Variants in DIP2B observed in about 807,000 individuals in gnomAD.
DIP2B encodes DIP2 acetate--CoA ligase B (putative), also known as disco-interacting protein 2 homolog B.
Under a neutral mutation model 198.0 loss-of-function variants are expected in DIP2B, and 76 were observed. That is an observed-to-expected ratio of 0.38 (90% CI 0.32 to 0.46). The LOEUF (loss-of-function observed/expected upper bound fraction) is 0.46. Among genes scored for constraint, DIP2B ranks in the 20% least tolerant of loss-of-function variants. DIP2B has a pLI of 0.99. For missense variants in DIP2B, 1,559 were observed against 1,978.4 expected (o/e 0.79, Z 4.02); for synonymous variants, 701 against 739.1 (o/e 0.95, Z 0.84).
At position 50,687,418 on chromosome 12, in the gene DIP2B, T is replaced by C. The variant is rs200366976; in HGVS notation, c.1551+736T>C. ...CACTCTGCATCCTGCCTGAGACATA[T>C]GCTCACCAATTGTTAAGTTAATGAA... On this transcript the variant is annotated intron_variant, in intron 12 of 37. Transcript: ENST00000301180. Among the ~76,000 whole-genome samples the C allele has an allele frequency of 1.6e-4, 25 of 152,312 alleles. No homozygotes were observed. In the East Asian group the frequency reaches 4.8e-3, roughly 29 times the overall value.
chr12:50,658,801 G>C (rs919860708), intron 3 of DIP2B, among the ~76,000 whole-genome samples: 1 of 152,128 alleles, frequency 6.6e-6, no homozygotes, highest in Non-Finnish European at 1.5e-5. Flanking sequence ...GCAAGAAACA[G>C]AAGCTGGCCG....
chr12:50,733,995 C>G, intron 32 of DIP2B, 140 bp from the exon 33 acceptor site: 1 of 805,686 alleles, frequency 1.2e-6, no homozygotes, highest in South Asian at 1.4e-5. Flanking sequence ...AGAGTGAGAG[C>G]AGGGGGCCTA....
intron 23 of DIP2B, among the ~76,000 whole-genome samples, chr12:50,715,140 A>T (rs1939691514): frequency 6.6e-6 from 1 of 152,234 alleles, no homozygotes; most frequent in East Asian, 1.9e-4. Context: ...AGAGCTAGGT[A>T]GTCCAAAGGC....
intron 7 of DIP2B, among the ~76,000 whole-genome samples, chr12:50,678,140 A>C (rs1343448932): frequency 6.6e-6 from 1 of 150,772 alleles, no homozygotes; most frequent in Non-Finnish European, 1.5e-5. Context: ...GTTTATGCCC[A>C]TTGTCTGTTT....
At chr12:50,516,844 G>A (rs1017877805) in intron 1 of DIP2B, among the ~76,000 whole-genome samples, 5 of 151,852 alleles carry the variant, frequency 3.3e-5, no homozygotes, top group African/African-American at 7.3e-5. Context: ...GTGTGGTGGC[G>A]GGTGCCTGTA....
chr12:50,525,431 A>G (rs1958154717), intron 1 of DIP2B, among the ~76,000 whole-genome samples: 2 of 151,518 alleles, frequency 1.3e-5, no homozygotes, highest in Non-Finnish European at 1.5e-5. Flanking sequence ...GGTGGTCATC[A>G]TGAGATGATA....
At chr12:50,704,272 CT>C in intron 20 of DIP2B, 52 bp downstream of exon 20, 1 of 1,564,328 alleles carries the variant, frequency 6.4e-7, no homozygotes. Flanking sequence ...AATATTTGGA[CT>C]TTAATTCACA....
chr12:50,733,451 G>A (rs1277470848), intron 32 of DIP2B, among the ~76,000 whole-genome samples: 3 of 152,020 alleles, frequency 2.0e-5, no homozygotes, highest in Non-Finnish European at 2.9e-5. Context: ...ACTTTGTGAG[G>A]CCAAGGCAGG....
At chr12:50,543,047 C>A (rs1183373241) in intron 1 of DIP2B, among the ~76,000 whole-genome samples, 1 of 151,132 alleles carries the variant, frequency 6.6e-6, no homozygotes, top group Admixed American at 6.6e-5. Flanking sequence ...TTTTTTTGGT[C>A]TTTTTTTGTA....
rs1555179950 is a variant in DIP2B, at chr12:50,505,019, CGGCGGT to C, written c.-120_-115del. The C allele has an allele frequency of 2.0e-6, 2 of 1,004,882 alleles. No homozygotes were observed. Among genetic ancestry groups the C allele is most frequent in the Admixed American group, 2.4e-5 (1 of 40,912 alleles). The allele number at this position is 1,004,882 out of a possible 1,614,324, so 62.2% of individuals were successfully genotyped here. ...TTGCTCATGGCGGCGGCGGCGGCGG[CGGCGGT>C]GCTGGTGGTGCTCGGCGGCCGGAGC... On this transcript the variant is annotated 5_prime_UTR_variant, in exon 1 of 38. Coordinates refer to ENST00000301180, the MANE Select transcript of DIP2B (RefSeq NM_173602.3).
intron 1 of DIP2B, among the ~76,000 whole-genome samples, chr12:50,615,713 C>G (rs1387807638): frequency 6.6e-6 from 1 of 152,150 alleles, no homozygotes; most frequent in Non-Finnish European, 1.5e-5. Flanking sequence ...CATTTATTCT[C>G]TCATTGAAGA....
intron 2 of DIP2B, among the ~76,000 whole-genome samples, chr12:50,632,121 A>G (rs1407101915): frequency 6.6e-6 from 1 of 151,886 alleles, no homozygotes; most frequent in East Asian, 1.9e-4. Context: ...GTGGGCTACC[A>G]CACCCTGCCT....
At chr12:50,643,451 G>GT (rs1491330884) in intron 3 of DIP2B, among the ~76,000 whole-genome samples, 2 of 142,396 alleles carry the variant, frequency 1.4e-5, no homozygotes, top group Non-Finnish European at 3.0e-5. Flanking sequence ...GTGTGTGTGT[G>GT]TTTTAAAGGA....
chr12:50,680,626 G>A, intron 8 of DIP2B, 46 bp from the exon 9 acceptor site: 5 of 1,470,052 alleles, frequency 3.4e-6, no homozygotes, highest in Non-Finnish European at 4.7e-6. Flanking sequence ...AGGTAGACCT[G>A]TTTTTTTTTC....
intron 1 of DIP2B, among the ~76,000 whole-genome samples, chr12:50,541,661 A>G (rs766824697): frequency 2.6e-5 from 4 of 152,180 alleles, no homozygotes; most frequent in Non-Finnish European, 4.4e-5. Flanking sequence ...GCTAACCCAT[A>G]GTATATGAAA....
At chr12:50,521,881 G>T (rs1009864125) in intron 1 of DIP2B, among the ~76,000 whole-genome samples, 1 of 151,936 alleles carries the variant, frequency 6.6e-6, no homozygotes, top group East Asian at 1.9e-4. Context: ...TGGGCTCAAG[G>T]ATTCACCTGC....
intron 12 of DIP2B, among the ~76,000 whole-genome samples, chr12:50,687,047 T>A (rs1939144016): frequency 6.6e-6 from 1 of 152,170 alleles, no homozygotes; most frequent in South Asian, 2.1e-4. Context: ...AAAATAGCTC[T>A]GCTTAAAAGA....
At chr12:50,682,647 A>AG (rs1314797664) in intron 9 of DIP2B, among the ~76,000 whole-genome samples, 2 of 151,226 alleles carry the variant, frequency 1.3e-5, no homozygotes, top group Admixed American at 6.6e-5. Context: ...AAAAAAAAAA[A>AG]AAAAAAGAGT....
At chr12:50,616,838 T>C (rs2139459127) in intron 1 of DIP2B, among the ~76,000 whole-genome samples, 1 of 152,370 alleles carries the variant, frequency 6.6e-6, no homozygotes, top group Non-Finnish European at 1.5e-5. Flanking sequence ...ATGAAATTTT[T>C]GTCTTCTAGC....
Sources: allele counts gnomAD v4.1 joint callset (sites outside exome capture counted in the v4.1 genomes callset), GRCh38; gene constraint gnomAD v4.1.1; transcripts MANE v1.5; gene names NCBI Gene and HGNC (gene_info 2026-07-23, HGNC 2026-07-21).